DAP: variants seen among roughly 807,000 people sequenced by gnomAD.
DAP encodes the protein death associated protein.
DAP carries 8 observed loss-of-function variants against 13.8 expected under a neutral mutation model. The observed-to-expected ratio is 0.58, with a 90% confidence interval of 0.34 to 1.05. The LOEUF is 1.05. DAP is among the 50% of genes least tolerant of loss of function. DAP has a pLI of 0.03. For synonymous variants in DAP, 47 were observed against 47.5 expected, an observed-to-expected ratio of 0.99 and a Z score of 0.04; for missense variants, 106 against 133.2, an observed-to-expected ratio of 0.80 and a Z score of 1.01.
intron 1 of DAP, among the ~76,000 whole-genome samples, chr5:10,752,836 A>G (rs189484480): frequency 3.9e-5 from 6 of 152,330 alleles, no homozygotes; most frequent in Non-Finnish European, 7.4e-5. Context: ...GGACACATGA[A>G]ATGCCTCCAA....
intron 1 of DAP, among the ~76,000 whole-genome samples, chr5:10,757,023 G>A (rs944765136): frequency 5.9e-5 from 9 of 152,208 alleles, no homozygotes; most frequent in African/African-American, 1.9e-4. Context: ...CAGCACATTT[G>A]CCAGGACATG....
intron 2 of DAP, among the ~76,000 whole-genome samples, chr5:10,731,804 C>T (rs181466699): frequency 2.2e-4 from 34 of 152,352 alleles, no homozygotes; most frequent in Non-Finnish European, 4.4e-4. Context: ...GTTTCTTCCT[C>T]TCAATGCCAC....
intron 2 of DAP, among the ~76,000 whole-genome samples, chr5:10,713,135 C>T (rs1738893936): frequency 6.6e-6 from 1 of 152,192 alleles, no homozygotes; most frequent in Admixed American, 6.5e-5. Context: ...AGGATGAACT[C>T]CACAGGCAAC....
chr5:10,743,272 A>G (rs933416394), intron 2 of DAP, among the ~76,000 whole-genome samples: 1 of 152,200 alleles, frequency 6.6e-6, no homozygotes, highest in African/African-American at 2.4e-5. Flanking sequence ...AAATATGGTT[A>G]TATCAAGCAA....
chr5:10,732,088 A>C (rs1442232211), intron 2 of DAP, among the ~76,000 whole-genome samples: 3 of 152,212 alleles, frequency 2.0e-5, no homozygotes, highest in Non-Finnish European at 4.4e-5. Flanking sequence ...AAGTCCTGTC[A>C]CCACAGTGAG....
At chr5:10,741,623 G>A (rs991360459) in intron 2 of DAP, among the ~76,000 whole-genome samples, 1 of 152,186 alleles carries the variant, frequency 6.6e-6, no homozygotes, top group Non-Finnish European at 1.5e-5. Flanking sequence ...GTTAAAATGA[G>A]GGTTGGCAAA....
intron 2 of DAP, among the ~76,000 whole-genome samples, chr5:10,716,387 G>T (rs1305040074): frequency 6.6e-6 from 1 of 152,166 alleles, no homozygotes; most frequent in Admixed American, 6.5e-5. Flanking sequence ...TACTAACTGT[G>T]ATGGTTAGTA....
intron 2 of DAP, among the ~76,000 whole-genome samples, chr5:10,697,443 CT>C (rs1181806593): frequency 6.6e-6 from 1 of 152,196 alleles, no homozygotes; most frequent in Middle Eastern, 3.2e-3. Context: ...CACGTCCACG[CT>C]TTAGAGTCAC....
At chr5:10,715,144 A>G (rs146454430) in intron 2 of DAP, among the ~76,000 whole-genome samples, 73 of 152,292 alleles carry the variant, frequency 4.8e-4, no homozygotes, top group Non-Finnish European at 9.1e-4. Context: ...GCAGGGAGTT[A>G]TATGGACAGT....
chr5:10,755,651 AG>A (rs780295958), intron 1 of DAP, among the ~76,000 whole-genome samples: 5 of 152,214 alleles, frequency 3.3e-5, no homozygotes, highest in Non-Finnish European at 4.4e-5. Context: ...CTGAGAATTT[AG>A]GTTGTTTGTT....
At chr5:10,720,040 T>C (rs1358510986) in intron 2 of DAP, among the ~76,000 whole-genome samples, 3 of 152,192 alleles carry the variant, frequency 2.0e-5, no homozygotes, top group African/African-American at 7.2e-5. Context: ...ATCAAATGTG[T>C]GATTACATAC....
chr5:10,708,373 CACAG>C (rs1354713254), intron 2 of DAP, among the ~76,000 whole-genome samples: 15 of 151,432 alleles, frequency 9.9e-5, no homozygotes, highest in South Asian at 6.2e-4. Context: ...TACACACATG[CACAG>C]ACATACATAC....
chr5:10,709,440 T>G (rs182362904), intron 2 of DAP, among the ~76,000 whole-genome samples: 545 of 152,336 alleles, frequency 3.6e-3, no homozygotes, highest in Non-Finnish European at 5.5e-3. Context: ...GGGAGCCCAG[T>G]ACATCAATCC....
intron 2 of DAP, among the ~76,000 whole-genome samples, chr5:10,719,414 A>G (rs1278621846): frequency 2.0e-5 from 3 of 152,138 alleles, no homozygotes; most frequent in African/African-American, 4.8e-5. Context: ...TGCTGTTTGG[A>G]GCCTACAGCA....
At chr5:10,715,212 G>A (rs1321796161) in intron 2 of DAP, among the ~76,000 whole-genome samples, 1 of 152,174 alleles carries the variant, frequency 6.6e-6, no homozygotes, top group Non-Finnish European at 1.5e-5. Flanking sequence ...ATGTTGGAGA[G>A]GTTAAAGACA....
At chr5:10,756,525 A>G (rs1170985663) in intron 1 of DAP, among the ~76,000 whole-genome samples, 1 of 152,260 alleles carries the variant, frequency 6.6e-6, no homozygotes, top group Non-Finnish European at 1.5e-5. Context: ...AAAAAGTAAC[A>G]TGGCTTGAAA....
chr5:10,687,549 G>T (rs1026023915), intron 2 of DAP, among the ~76,000 whole-genome samples: 2 of 152,178 alleles, frequency 1.3e-5, no homozygotes, highest in African/African-American at 4.8e-5. Context: ...AACAGCAAGA[G>T]AACTAGGATT....
At chr5:10,694,489 C>T (rs567818347) in intron 2 of DAP, among the ~76,000 whole-genome samples, 6 of 152,068 alleles carry the variant, frequency 3.9e-5, no homozygotes, top group Non-Finnish European at 7.4e-5. Context: ...GGCTGCCTGG[C>T]GGGCTCTGTG....
intron 1 of DAP, among the ~76,000 whole-genome samples, chr5:10,753,498 C>T (rs557495461): frequency 6.6e-6 from 1 of 152,336 alleles, no homozygotes; most frequent in African/African-American, 2.4e-5. Context: ...GTGGAGGAAG[C>T]TTTACCTACG....
Sources: gnomAD v4.1 joint callset for allele counts (sites outside exome capture counted in the v4.1 genomes callset) on GRCh38, gnomAD v4.1.1 for gene constraint, MANE v1.5 for transcripts, NCBI Gene and HGNC (gene_info 2026-07-23, HGNC 2026-07-21) for gene names.